The following HTR2C variants were observed in gnomAD, a reference collection of about 807,000 sequenced individuals.
HTR2C encodes 5-hydroxytryptamine (serotonin) receptor 2C, G protein-coupled.
HTR2C carries 5 observed loss-of-function variants against 21.0 expected under a neutral mutation model. The ratio of observed to expected loss-of-function variants is 0.24; its 90% CI spans 0.12 to 0.50. The LOEUF is 0.50. HTR2C is among the 20% of genes least tolerant of loss of function. HTR2C has a pLI of 0.98. For synonymous variants in HTR2C, 150 were observed against 145.3 expected, an observed-to-expected ratio of 1.03 and a Z score of -0.23; for missense variants, 271 against 371.2, an observed-to-expected ratio of 0.73 and a Z score of 2.22.
chrX:114,674,571 T>C (rs1931488977), intron 2 of HTR2C, among the ~76,000 whole-genome samples: 1 of 111,820 alleles, frequency 8.9e-6, no homozygotes, highest in Non-Finnish European at 1.9e-5. Flanking sequence ...TATGAAACTT[T>C]GAAACATTAT....
chrX:114,703,538 A>G (rs1306005393), intron 2 of HTR2C, among the ~76,000 whole-genome samples: 1 of 111,685 alleles, frequency 9.0e-6, no homozygotes, highest in Non-Finnish European at 1.9e-5. Flanking sequence ...ACATACCAGA[A>G]TCTCTGGGAC....
At chrX:114,649,097 C>T (rs782184401) in intron 2 of HTR2C, among the ~76,000 whole-genome samples, 1 of 111,866 alleles carries the variant, frequency 8.9e-6, no homozygotes. Flanking sequence ...GCTTTATTTT[C>T]TCCCTTTTGC....
chrX:114,640,640 T>C (rs1930060506), intron 2 of HTR2C, among the ~76,000 whole-genome samples: 1 of 112,270 alleles, frequency 8.9e-6, no homozygotes, highest in Admixed American at 9.5e-5. Flanking sequence ...TTTTTAAAAT[T>C]ATTGACATTC....
At chrX:114,797,866 G>A (rs2070308765) in intron 4 of HTR2C, among the ~76,000 whole-genome samples, 1 of 111,805 alleles carries the variant, frequency 8.9e-6, no homozygotes, top group African/African-American at 3.2e-5. Flanking sequence ...TTAGGGAACA[G>A]GCAATGTCTG....
At position 114,722,280 on chromosome X, in the gene HTR2C, G is replaced by A. The variant is rs1295277698; in HGVS notation, c.-79-4578G>A. ...TAGGTATTTTATTCTCTTTGAAGCAGTTGTGAATGGGAGTTCACTTATGAT... is the reference window on the plus strand; with the variant it reads ...TAGGTATTTTATTCTCTTTGAAGCAATTGTGAATGGGAGTTCACTTATGAT... On this transcript the variant is annotated intron_variant, in intron 2 of 5. Coordinates refer to ENST00000276198, the MANE Select transcript of HTR2C (RefSeq NM_000868.4). 3.1e-4 allele frequency among the ~76,000 whole-genome samples: 34 copies of A among 110,913 alleles called. No homozygotes were observed. The South Asian group carries it at 4.7e-3, about 15-fold the overall frequency.
At position 114,842,817 on chromosome X, in the gene HTR2C, C is replaced by T. The variant is rs146718903; in HGVS notation, c.350-5186C>T. Among the ~76,000 whole-genome samples the T allele has an allele frequency of 3.0e-3, 332 of 111,038 alleles. 1 individual carries two copies. Among genetic ancestry groups the T allele is most frequent in the Non-Finnish European group, 4.8e-3 (255 of 52,964 alleles). ...TCATTCCTTTTTTTTCTTTGCCTAC[C>T]GGTATTTAAGAAACCCCTGTAAAAG... On this transcript the variant is annotated intron_variant, in intron 4 of 5. Transcript: ENST00000276198.
At chrX:114,760,389 C>G (rs906746197) in intron 4 of HTR2C, among the ~76,000 whole-genome samples, 1 of 111,672 alleles carries the variant, frequency 9.0e-6, no homozygotes, top group Non-Finnish European at 1.9e-5. Context: ...TACAAGTACA[C>G]GGAGTCAATT....
At chrX:114,689,863 G>A (rs1453680031) in intron 2 of HTR2C, among the ~76,000 whole-genome samples, 1 of 111,897 alleles carries the variant, frequency 8.9e-6, no homozygotes, top group African/African-American at 3.2e-5. Context: ...GGTTTGTGAT[G>A]CAGTACTTTT....
intron 2 of HTR2C, among the ~76,000 whole-genome samples, chrX:114,644,380 TATATATATATATA>T: frequency 1.5e-5 from 1 of 68,729 alleles, no homozygotes; most frequent in East Asian, 4.3e-4. Context: ...TATATATATA[TATATATATATATA>T]TATATATATA....
rs782670393 is a variant in HTR2C, at chrX:114,766,165, T to C, written c.349+34558T>C. Among the ~76,000 whole-genome samples the C allele has an allele frequency of 4.5e-4, 50 of 111,841 alleles. No individual in the cohort carries two copies. In the Middle Eastern group the frequency reaches 0.014, roughly 31 times the overall value. On this transcript the variant is annotated intron_variant, in intron 4 of 5. Transcript: ENST00000276198. ...AGATTTTTTTTGAGGTTGTCTTTTA[T>C]GTCTTAAGATTCTATAATTAAGATA...
chrX:114,636,236 A>C (rs953706641), intron 2 of HTR2C, among the ~76,000 whole-genome samples: 38 of 110,752 alleles, frequency 3.4e-4, no homozygotes, highest in African/African-American at 1.2e-3. Flanking sequence ...AACTCTAGCA[A>C]CTCAAAGAAG....
chrX:114,639,529 G>A (rs782722555), intron 2 of HTR2C: 1 of 113,003 alleles, frequency 8.8e-6, no homozygotes, highest in African/African-American at 3.3e-5. Context: ...TAATTTCGTT[G>A]GGATAGAAGA....
chrX:114,888,175 T>C (rs782793957), intron 5 of HTR2C, among the ~76,000 whole-genome samples: 9 of 111,674 alleles, frequency 8.1e-5, no homozygotes, highest in Non-Finnish European at 1.3e-4. Flanking sequence ...TTCCAACTTT[T>C]AGTTAATTGA....
chrX:114,843,857 A>G (rs2070853991), intron 4 of HTR2C, among the ~76,000 whole-genome samples: 1 of 111,615 alleles, frequency 9.0e-6, no homozygotes, highest in Middle Eastern at 4.2e-3. Flanking sequence ...TGTCAACTAA[A>G]TGCTCTAAAT....
intron 5 of HTR2C, among the ~76,000 whole-genome samples, chrX:114,875,982 T>G (rs1449823098): frequency 9.1e-6 from 1 of 109,878 alleles, no homozygotes; most frequent in Non-Finnish European, 1.9e-5. Context: ...TGTATTAAAT[T>G]TGTATATTGC....
chrX:114,700,037 T>A (rs933365442), intron 2 of HTR2C, among the ~76,000 whole-genome samples: 16 of 112,062 alleles, frequency 1.4e-4, no homozygotes, highest in African/African-American at 4.9e-4. Context: ...GATCTCTTCA[T>A]TTCATTCTAG....
chrX:114,731,684 A>G, intron 4 of HTR2C, 77 bp downstream of exon 4: 2 of 751,926 alleles, frequency 2.7e-6, no homozygotes, highest in East Asian at 3.3e-5. Context: ...CATAAAGTTA[A>G]TTATTTTACT....
chrX:114,598,990 A>C (rs1489853368), intron 1 of HTR2C, among the ~76,000 whole-genome samples: 1 of 111,589 alleles, frequency 9.0e-6, no homozygotes, highest in Non-Finnish European at 1.9e-5. Context: ...CTCTGAAATC[A>C]GGTTCTTTTC....
chrX:114,793,097 G>T (rs1315742269), intron 4 of HTR2C, among the ~76,000 whole-genome samples: 1 of 111,458 alleles, frequency 9.0e-6, no homozygotes, highest in African/African-American at 3.3e-5. Flanking sequence ...ATTTGTGTGT[G>T]TGTGCTGTGC....
Sources: allele counts gnomAD v4.1 joint callset (sites outside exome capture counted in the v4.1 genomes callset), GRCh38; gene constraint gnomAD v4.1.1; transcripts MANE v1.5; gene names NCBI Gene and HGNC (gene_info 2026-07-23, HGNC 2026-07-21).